Variants in ZNF385D observed in about 807,000 individuals in gnomAD.
The protein encoded by ZNF385D is zinc finger protein 659.
ZNF385D carries 15 observed loss-of-function variants against 35.8 expected under a neutral mutation model. The ratio of observed to expected loss-of-function variants is 0.42; its 90% CI spans 0.28 to 0.64. The LOEUF (loss-of-function observed/expected upper bound fraction) is 0.64, where lower values mean the gene tolerates loss of function less well. ZNF385D is among the 30% of genes least tolerant of loss of function. The pLI is 0.23. For missense variants in ZNF385D, 474 were observed against 494.6 expected, an observed-to-expected ratio of 0.96 and a Z score of 0.39; for synonymous variants, 212 against 186.8, an observed-to-expected ratio of 1.13 and a Z score of -1.10.
At chr3:21,537,697 C>T (rs2062069654) in intron 3 of ZNF385D, among the ~76,000 whole-genome samples, 3 of 152,012 alleles carry the variant, frequency 2.0e-5, no homozygotes, top group Non-Finnish European at 2.9e-5. Flanking sequence ...CCAGTGAGGC[C>T]GAAAAGGAGT....
At chr3:21,915,108 C>A (rs922766288) in intron 3 of ZNF385D, among the ~76,000 whole-genome samples, 4 of 151,444 alleles carry the variant, frequency 2.6e-5, no homozygotes, top group Non-Finnish European at 5.9e-5. Context: ...ACCTTACATA[C>A]TTCTCTGTGA....
chr3:21,741,662 G>A (rs906871666), intron 1 of ZNF385D, among the ~76,000 whole-genome samples: 27 of 151,790 alleles, frequency 1.8e-4, no homozygotes, highest in African/African-American at 6.5e-4. Flanking sequence ...GGTCCATTCA[G>A]CCAAAGAAAT....
At chr3:21,989,125 A>C (rs1053427125) in intron 3 of ZNF385D, among the ~76,000 whole-genome samples, 4 of 151,928 alleles carry the variant, frequency 2.6e-5, no homozygotes, top group African/African-American at 7.3e-5. Flanking sequence ...TGCGTCGCTC[A>C]CGCTGGGAGC....
chr3:21,511,299 G>A (rs919263871), intron 3 of ZNF385D, among the ~76,000 whole-genome samples: 2 of 151,896 alleles, frequency 1.3e-5, no homozygotes, highest in East Asian at 3.9e-4. Flanking sequence ...TTGTGGGAGC[G>A]GGGAAAAAAA....
intron 2 of ZNF385D, among the ~76,000 whole-genome samples, chr3:22,203,942 T>A (rs1312148881): frequency 6.6e-6 from 1 of 152,080 alleles, no homozygotes; most frequent in Non-Finnish European, 1.5e-5. Flanking sequence ...AGAAGTCTGG[T>A]TGGCTTCATA....
At chr3:21,998,685 C>T (rs1695641865) in intron 3 of ZNF385D, among the ~76,000 whole-genome samples, 1 of 152,160 alleles carries the variant, frequency 6.6e-6, no homozygotes, top group Non-Finnish European at 1.5e-5. Flanking sequence ...TAAACAAGAA[C>T]ATCACCTTTT....
intron 2 of ZNF385D, among the ~76,000 whole-genome samples, chr3:22,345,815 T>C (rs532007480): frequency 6.6e-6 from 1 of 152,318 alleles, no homozygotes; most frequent in African/African-American, 2.4e-5. Flanking sequence ...TCCCAGGGTC[T>C]CTCAGATCTC....
chr3:22,236,355 G>A (rs1699184061), intron 2 of ZNF385D, among the ~76,000 whole-genome samples: 1 of 151,962 alleles, frequency 6.6e-6, no homozygotes, highest in African/African-American at 2.4e-5. Flanking sequence ...TTTATTAGAT[G>A]GAGTCTTGCT....
In ZNF385D at chr3:21,605,894, T is replaced by C. The variant is rs139287827; in HGVS notation, c.166-41210A>G. ...CCCACCTCTAATCCACACTATCCAT[T>C]TGATTAATCAAATGCAAAATAATCC... On this transcript the variant is annotated intron_variant, in intron 2 of 7. Coordinates refer to ENST00000281523, the MANE Select transcript of ZNF385D (RefSeq NM_024697.3). Among the ~76,000 whole-genome samples the C allele has an allele frequency of 4.5e-3, 681 of 152,316 alleles. 4 individuals carry two copies. Among genetic ancestry groups the C allele is most frequent in the Middle Eastern group, 0.01 (3 of 294 alleles).
At chr3:22,330,292 T>C (rs1387488683) in intron 2 of ZNF385D, among the ~76,000 whole-genome samples, 1 of 152,198 alleles carries the variant, frequency 6.6e-6, no homozygotes, top group East Asian at 1.9e-4. Context: ...TTTGTCAGGC[T>C]TTTATAAAAT....
intron 2 of ZNF385D, among the ~76,000 whole-genome samples, chr3:22,246,332 C>G (rs1199011831): frequency 3.9e-5 from 6 of 152,068 alleles, no homozygotes; most frequent in Non-Finnish European, 7.4e-5. Flanking sequence ...TCTGTCTACT[C>G]TGAAGCATGT....
At chr3:22,297,234 C>T (rs1273720979) in intron 2 of ZNF385D, among the ~76,000 whole-genome samples, 1 of 152,026 alleles carries the variant, frequency 6.6e-6, no homozygotes, top group Non-Finnish European at 1.5e-5. Context: ...TATTCGCAAC[C>T]CCAGATCCCC....
chr3:21,942,528 C>T (rs1000424930), intron 3 of ZNF385D: 1 of 152,320 alleles, frequency 6.6e-6, no homozygotes, highest in East Asian at 1.9e-4. Flanking sequence ...ACATAATTTG[C>T]TCCTTGATTT....
chr3:21,551,851 G>C (rs1335075613), intron 3 of ZNF385D, among the ~76,000 whole-genome samples: 4 of 151,920 alleles, frequency 2.6e-5, no homozygotes, highest in Admixed American at 2.6e-4. Flanking sequence ...AAAATAAACT[G>C]TACTATAAAG....
intron 2 of ZNF385D, among the ~76,000 whole-genome samples, chr3:22,191,011 G>A (rs1031118889): frequency 3.3e-5 from 5 of 152,108 alleles, no homozygotes; most frequent in East Asian, 1.9e-4. Flanking sequence ...TAAGAAATAC[G>A]TGTGTTTTTA....
At chr3:21,533,847 G>A (rs2061978795) in intron 3 of ZNF385D, among the ~76,000 whole-genome samples, 1 of 152,068 alleles carries the variant, frequency 6.6e-6, no homozygotes, top group South Asian at 2.1e-4. Flanking sequence ...TATTGGCAGA[G>A]CCCAGTTAAC....
chr3:22,053,321 T>G (rs1576233685), intron 3 of ZNF385D, among the ~76,000 whole-genome samples: 1 of 51,968 alleles, frequency 1.9e-5, no homozygotes, highest in Non-Finnish European at 3.7e-5. Flanking sequence ...AAAAAATCAA[T>G]GAATCCAGGA....
chr3:22,335,644 G>A (rs551816533), intron 2 of ZNF385D, among the ~76,000 whole-genome samples: 2 of 152,244 alleles, frequency 1.3e-5, no homozygotes, highest in East Asian at 3.9e-4. Context: ...AACTACAGGT[G>A]TGTTCCTGAT....
intron 3 of ZNF385D, among the ~76,000 whole-genome samples, chr3:21,923,380 A>G (rs563183816): frequency 6.6e-6 from 1 of 152,362 alleles, no homozygotes; most frequent in East Asian, 1.9e-4. Flanking sequence ...GAGGCTGGAA[A>G]GAAAAGTGAA....
Sources: allele counts gnomAD v4.1 joint callset (sites outside exome capture counted in the v4.1 genomes callset), GRCh38; gene constraint gnomAD v4.1.1; transcripts MANE v1.5; gene names NCBI Gene and HGNC (gene_info 2026-07-23, HGNC 2026-07-21).